FGF10: variants seen among roughly 807,000 people sequenced by gnomAD.
FGF10 encodes fibroblast growth factor 10.
A neutral mutation model predicts 19.8 loss-of-function variants in FGF10; 2 were observed. That is an observed-to-expected ratio of 0.10 (90% CI 0.04 to 0.32). The LOEUF is 0.32. Among genes scored for constraint, FGF10 ranks in the 10% least tolerant of loss-of-function variants. The pLI, the probability that FGF10 is intolerant of heterozygous loss-of-function variation, is 1.00. For synonymous variants in FGF10, 112 were observed against 94.0 expected, an observed-to-expected ratio of 1.19 and a Z score of -1.10; for missense variants, 191 against 246.3, an observed-to-expected ratio of 0.78 and a Z score of 1.50.
intron 1 of FGF10, among the ~76,000 whole-genome samples, chr5:44,351,046 T>C (rs1405639251): frequency 6.6e-6 from 1 of 151,532 alleles, no homozygotes; most frequent in Non-Finnish European, 1.5e-5. Context: ...CTGCTTACTC[T>C]GGCATTGTTA....
intron 1 of FGF10, among the ~76,000 whole-genome samples, chr5:44,347,213 T>A (rs1329038006): frequency 1.3e-5 from 2 of 151,754 alleles, no homozygotes; most frequent in African/African-American, 2.4e-5. Flanking sequence ...CAGACTAGTA[T>A]AACTGCGTCC....
At chr5:44,368,788 C>G (rs1273836406) in intron 1 of FGF10, among the ~76,000 whole-genome samples, 1 of 152,052 alleles carries the variant, frequency 6.6e-6, no homozygotes, top group African/African-American at 2.4e-5. Flanking sequence ...GCCTCAGACT[C>G]TCGAGTAGCT....
At chr5:44,365,199 AC>A (rs138543638) in intron 1 of FGF10, among the ~76,000 whole-genome samples, 80 of 151,840 alleles carry the variant, frequency 5.3e-4, no homozygotes, top group African/African-American at 1.8e-3. Context: ...CAGACTTTAT[AC>A]CCCAAGATGA....
At chr5:44,364,493 G>A (rs1741562134) in intron 1 of FGF10, among the ~76,000 whole-genome samples, 1 of 151,844 alleles carries the variant, frequency 6.6e-6, no homozygotes, top group African/African-American at 2.4e-5. Context: ...GACCAGGGAT[G>A]CTGCTAGATG....
chr5:44,354,491 T>G (rs186306376), intron 1 of FGF10, among the ~76,000 whole-genome samples: 1 of 151,644 alleles, frequency 6.6e-6, no homozygotes, highest in Admixed American at 6.6e-5. Flanking sequence ...ATCAACTTAC[T>G]CTTACATCTA....
chr5:44,307,288 G>A (rs933377545), intron 2 of FGF10, among the ~76,000 whole-genome samples: 3 of 152,122 alleles, frequency 2.0e-5, no homozygotes, highest in Non-Finnish European at 4.4e-5. Context: ...ATCATAAGCA[G>A]TTATGTATAA....
chr5:44,354,477 A>T (rs1741303260), intron 1 of FGF10, among the ~76,000 whole-genome samples: 1 of 151,490 alleles, frequency 6.6e-6, no homozygotes, highest in African/African-American at 2.4e-5. Context: ...TTTTAGGTCA[A>T]ATAATCAACT....
intron 1 of FGF10, among the ~76,000 whole-genome samples, chr5:44,356,668 AC>A (rs1741354278): frequency 6.6e-6 from 1 of 151,512 alleles, no homozygotes; most frequent in Non-Finnish European, 1.5e-5. Context: ...AGAATATTGT[AC>A]AGCATTATCA....
Position 44,356,178 on chromosome 5 carries a change from G to A in FGF10, c.325+32180C>T, listed in dbSNP as rs115277298. Among the ~76,000 whole-genome samples the A allele has an allele frequency of 8.4e-3, 1,270 of 151,480 alleles. 18 individuals carry two copies. Among genetic ancestry groups the A allele is most frequent in the African/African-American group, 0.03 (1,227 of 41,442 alleles). ...AGATGACCATTAGCAATTCAGTTGA[G>A]AATGGCAGGCTTTTCCCACTGAAAG... On this transcript the variant is annotated intron_variant, in intron 1 of 2. Coordinates refer to ENST00000264664, the MANE Select transcript of FGF10 (RefSeq NM_004465.2).
At chr5:44,367,452 A>G (rs373085955) in intron 1 of FGF10, among the ~76,000 whole-genome samples, 53 of 152,196 alleles carry the variant, frequency 3.5e-4, no homozygotes, top group East Asian at 2.7e-3. Flanking sequence ...AAGGATTTCA[A>G]ATTAGACTAG....
intron 1 of FGF10, among the ~76,000 whole-genome samples, chr5:44,373,048 C>T (rs1395285230): frequency 1.3e-5 from 2 of 152,162 alleles, no homozygotes; most frequent in Non-Finnish European, 2.9e-5. Flanking sequence ...AGTCTGACAG[C>T]CTTCCTTCAA....
intron 1 of FGF10, among the ~76,000 whole-genome samples, chr5:44,358,799 G>A (rs117721456): frequency 0.013 from 2,026 of 151,440 alleles, 87 homozygotes; most frequent in East Asian, 0.12. Flanking sequence ...TATTACCTCC[G>A]CACATCAGTT....
chr5:44,310,619 T>TACA, intron 1 of FGF10, 89 bp from the exon 2 acceptor site: 1 of 977,812 alleles, frequency 1.0e-6, no homozygotes, highest in Non-Finnish European at 1.6e-6. Context: ...TGAGTTGTTT[T>TACA]TTGTGTGGTT....
chr5:44,387,064 A>G (rs1439510352), intron 1 of FGF10, among the ~76,000 whole-genome samples: 1 of 152,226 alleles, frequency 6.6e-6, no homozygotes, highest in Admixed American at 6.5e-5. Flanking sequence ...CTTGGAATTT[A>G]CCATTGAGAT....
At chr5:44,345,379 A>ATT (rs1741065834) in intron 1 of FGF10, among the ~76,000 whole-genome samples, 1 of 151,758 alleles carries the variant, frequency 6.6e-6, no homozygotes, top group South Asian at 2.1e-4. Context: ...TTACAAGACT[A>ATT]TTAATGCATT....
chr5:44,377,519 A>G lies in FGF10; in HGVS notation c.325+10839T>C, dbSNP rs578183538. On this transcript the variant is annotated intron_variant, in intron 1 of 2. Coordinates refer to ENST00000264664, the MANE Select transcript of FGF10 (RefSeq NM_004465.2). ...ACTTTTCTTTGTTGCCTTTTATTCT[A>G]TAGTCATCAAATCTCCACGGTTACC... is the stretch of plus-strand genomic sequence containing the variant. 9.2e-5 allele frequency among the ~76,000 whole-genome samples: 14 copies of G among 152,288 alleles called. No individual in the cohort carries two copies. The South Asian group carries it at 1.0e-3, about 11-fold the overall frequency.
Position 44,389,096 on chromosome 5 carries a change from G to T in FGF10, c.-414C>A, listed in dbSNP as rs1742179985. 1 of 309,920 alleles carries T rather than the reference G, an allele frequency of 3.2e-6. No homozygotes were observed. Among genetic ancestry groups the T allele is most frequent in the African/African-American group, 2.1e-5 (1 of 46,590 alleles). 19.2% of individuals were successfully genotyped at this position (309,920 alleles called of 1,614,324 possible). On this transcript the variant is annotated 5_prime_UTR_variant, in exon 1 of 3. Coordinates refer to ENST00000264664, the MANE Select transcript of FGF10 (RefSeq NM_004465.2). ...ACAGCACGGTGAACAAAACCCAAGG[G>T]AGGTGGGGTGGGGAATAGGGGGAGA...
At position 44,303,935 on chromosome 5, in the gene FGF10, A is replaced by C. The variant is rs987313617; in HGVS notation, c.*1060T>G. 1.3e-5 allele frequency: 2 copies of C among 152,192 alleles called. No individual in the cohort carries two copies. Among genetic ancestry groups the C allele is most frequent in the Non-Finnish European group, 2.9e-5 (2 of 68,030 alleles). 9.4% of individuals were successfully genotyped at this position (152,192 alleles called of 1,614,324 possible). ...GGCAAGAAATCATGAGTAAATAATG[A>C]GGCTAGGCTATTTAAATGTATTTAG... is the stretch of plus-strand genomic sequence containing the variant. On this transcript the variant is annotated 3_prime_UTR_variant, in exon 3 of 3. Coordinates refer to ENST00000264664, the MANE Select transcript of FGF10 (RefSeq NM_004465.2).
At chr5:44,332,622 C>G (rs895892295) in intron 1 of FGF10, among the ~76,000 whole-genome samples, 1 of 152,120 alleles carries the variant, frequency 6.6e-6, no homozygotes, top group African/African-American at 2.4e-5. Flanking sequence ...GTTAAAATAG[C>G]GCTTCTCAAG....
Sources: allele counts gnomAD v4.1 joint callset (sites outside exome capture counted in the v4.1 genomes callset), GRCh38; gene constraint gnomAD v4.1.1; transcripts MANE v1.5; gene names NCBI Gene and HGNC (gene_info 2026-07-23, HGNC 2026-07-21).